PHC3: variants seen among roughly 807,000 people sequenced by gnomAD.
The protein encoded by PHC3 is polyhomeotic-like protein 3.
In PHC3, 13 loss-of-function variants were observed where a neutral mutation model predicts 107.4. The ratio of observed to expected loss-of-function variants is 0.12; its 90% CI spans 0.08 to 0.19. The LOEUF (loss-of-function observed/expected upper bound fraction) is 0.19, where lower values mean the gene tolerates loss of function less well. Among genes scored for constraint, PHC3 ranks in the 10% least tolerant of loss-of-function variants. PHC3 has a pLI of 1.00. For synonymous variants in PHC3, 456 were observed against 427.4 expected, an observed-to-expected ratio of 1.07 and a Z score of -0.83; for missense variants, 992 against 1,210.9, an observed-to-expected ratio of 0.82 and a Z score of 2.68.
chr3:170,120,754 T>C (rs1720114402), intron 9 of PHC3, among the ~76,000 whole-genome samples: 1 of 152,174 alleles, frequency 6.6e-6, no homozygotes, highest in Non-Finnish European at 1.5e-5. Context: ...GAAGGGGATA[T>C]GGCACGCTAA....
chr3:170,103,991 G>A (rs1445591011), intron 12 of PHC3, among the ~76,000 whole-genome samples: 1 of 152,138 alleles, frequency 6.6e-6, no homozygotes, highest in Non-Finnish European at 1.5e-5. Context: ...GATGGCTTGA[G>A]CCCAGGAGGC....
chr3:170,139,659 A>G (rs1202962938), intron 6 of PHC3, among the ~76,000 whole-genome samples: 3 of 152,228 alleles, frequency 2.0e-5, no homozygotes, highest in African/African-American at 7.2e-5. Context: ...TATATTATTT[A>G]TGTGAACATA....
At chr3:170,162,836 C>T (rs1445993804) in intron 4 of PHC3, among the ~76,000 whole-genome samples, 1 of 152,204 alleles carries the variant, frequency 6.6e-6, no homozygotes, top group Non-Finnish European at 1.5e-5. Flanking sequence ...CACTCCCACT[C>T]TCACATTCCA....
At chr3:170,120,312 G>A (rs1401588457) in intron 9 of PHC3, among the ~76,000 whole-genome samples, 1 of 152,068 alleles carries the variant, frequency 6.6e-6, no homozygotes, top group Non-Finnish European at 1.5e-5. Flanking sequence ...TAGGCCAGGC[G>A]CAGTGGCTCA....
chr3:170,117,078 A>C, intron 10 of PHC3, 148 bp downstream of exon 10: 1 of 991,482 alleles, frequency 1.0e-6, no homozygotes, highest in South Asian at 1.8e-5. Flanking sequence ...TTTGGAAATA[A>C]AGGAAGTAGA....
intron 3 of PHC3, among the ~76,000 whole-genome samples, chr3:170,171,676 T>C (rs2108751531): frequency 6.6e-6 from 1 of 152,330 alleles, no homozygotes; most frequent in South Asian, 2.1e-4. Context: ...TTTTATTAGC[T>C]ACTTTATTGT....
At chr3:170,138,788 C>CTTCAGT (rs989180048) in intron 6 of PHC3, among the ~76,000 whole-genome samples, 1 of 151,978 alleles carries the variant, frequency 6.6e-6, no homozygotes, top group Non-Finnish European at 1.5e-5. Context: ...CCAAAACCCA[C>CTTCAGT]TTCAAGCCCC....
At chr3:170,141,723 C>A (rs1469830194) in intron 6 of PHC3, among the ~76,000 whole-genome samples, 2 of 152,070 alleles carry the variant, frequency 1.3e-5, no homozygotes, top group Admixed American at 1.3e-4. Context: ...GCAATCCTCC[C>A]ACCTCAGCCC....
intron 2 of PHC3, among the ~76,000 whole-genome samples, chr3:170,174,704 T>C (rs1191185518): frequency 2.0e-5 from 3 of 152,332 alleles, no homozygotes; most frequent in African/African-American, 4.8e-5. Flanking sequence ...CTGTGTGTTA[T>C]TGTTTATTTT....
intron 5 of PHC3, among the ~76,000 whole-genome samples, chr3:170,146,541 T>C (rs1361444661): frequency 1.4e-5 from 2 of 147,262 alleles, no homozygotes; most frequent in Admixed American, 6.7e-5. Flanking sequence ...TTTTCTTTTT[T>C]TTTTTTTTTT....
chr3:170,155,371 A>C (rs1726727871), intron 4 of PHC3, among the ~76,000 whole-genome samples: 1 of 152,264 alleles, frequency 6.6e-6, no homozygotes, highest in Non-Finnish European at 1.5e-5. Flanking sequence ...AGTATCATTC[A>C]TATAGGTACA....
chr3:170,158,629 A>T (rs1292774502), intron 4 of PHC3, among the ~76,000 whole-genome samples: 1 of 151,912 alleles, frequency 6.6e-6, no homozygotes, highest in Non-Finnish European at 1.5e-5. Flanking sequence ...AAAAAAAGAA[A>T]AAAAAAAACC....
At chr3:170,112,068 G>A (rs751881626) in intron 11 of PHC3, among the ~76,000 whole-genome samples, 7 of 152,042 alleles carry the variant, frequency 4.6e-5, no homozygotes, top group African/African-American at 7.2e-5. Context: ...TATAGAACAC[G>A]GCAATTCAGA....
rs1055845633 is a variant in PHC3 at position 170,087,922 on chromosome 3, TTC to T, written c.*9306_*9307del. ...ACATGCTACTTAATATGAAAGTGCT[TTC>T]TCTTTTTTAAAAAAATACACCAAAT... On this transcript the variant is annotated 3_prime_UTR_variant, in exon 15 of 15. Coordinates refer to ENST00000495893, the MANE Select transcript of PHC3 (RefSeq NM_024947.4). 1 of 152,148 alleles carries T rather than the reference TTC, an allele frequency of 6.6e-6. No homozygotes were observed. Among genetic ancestry groups the T allele is most frequent in the African/African-American group, 2.4e-5 (1 of 41,438 alleles). 9.4% of individuals were successfully genotyped at this position (152,148 alleles called of 1,614,324 possible). A position where few individuals can be genotyped will look rare whatever the true frequency, so the allele number is the denominator to read the frequency against.
intron 1 of PHC3, among the ~76,000 whole-genome samples, chr3:170,180,547 T>C (rs908635014): frequency 1.3e-5 from 2 of 149,846 alleles, no homozygotes; most frequent in Non-Finnish European, 3.0e-5. Flanking sequence ...AAATAATTCA[T>C]ACATTTTTAT....
At chr3:170,174,328 TCTTA>T (rs1055871706) in intron 2 of PHC3, among the ~76,000 whole-genome samples, 4 of 152,226 alleles carry the variant, frequency 2.6e-5, no homozygotes, top group Admixed American at 6.5e-5. Flanking sequence ...ATAAAACTAT[TCTTA>T]CTTAATTCCT....
At chr3:170,126,524 A>ATTT (rs1411349700) in intron 8 of PHC3, among the ~76,000 whole-genome samples, 54 of 79,990 alleles carry the variant, frequency 6.8e-4, no homozygotes, top group Non-Finnish European at 1.1e-3. Flanking sequence ...ATATATATAT[A>ATTT]TATATTTTTT....
intron 4 of PHC3, among the ~76,000 whole-genome samples, chr3:170,160,299 T>C (rs1299335549): frequency 1.3e-5 from 2 of 152,232 alleles, no homozygotes; most frequent in African/African-American, 4.8e-5. Flanking sequence ...TCAGCTACTA[T>C]AATACAATCC....
chr3:170,130,969 AT>A (rs944140069), intron 7 of PHC3, among the ~76,000 whole-genome samples: 1 of 152,062 alleles, frequency 6.6e-6, no homozygotes, highest in Non-Finnish European at 1.5e-5. Context: ...CCTTACATCT[AT>A]TTTTGTGTTC....
Sources: gnomAD v4.1 joint callset for allele counts (sites outside exome capture counted in the v4.1 genomes callset) on GRCh38, gnomAD v4.1.1 for gene constraint, MANE v1.5 for transcripts, NCBI Gene and HGNC (gene_info 2026-07-23, HGNC 2026-07-21) for gene names.